The following OTUD7A variants were observed in gnomAD, a reference collection of about 807,000 sequenced individuals.
OTUD7A encodes OTU domain-containing protein 7A.
In OTUD7A, 12 loss-of-function variants were observed where a neutral mutation model predicts 65.7. The ratio of observed to expected loss-of-function variants is 0.18; its 90% CI spans 0.12 to 0.30. The LOEUF (loss-of-function observed/expected upper bound fraction) is 0.30. Among genes scored for constraint, OTUD7A ranks in the 10% least tolerant of loss-of-function variants. The probability of loss-of-function intolerance (pLI) is 1.00; values close to 1 mark genes in which losing one functional copy is unlikely to be tolerated. For missense variants in OTUD7A, 1,148 were observed against 1,304.8 expected, an observed-to-expected ratio of 0.88 and a Z score of 1.85; for synonymous variants, 641 against 586.3, an observed-to-expected ratio of 1.09 and a Z score of -1.35.
At chr15:31,642,535 A>G (rs960991089) in intron 3 of OTUD7A, among the ~76,000 whole-genome samples, 8 of 152,160 alleles carry the variant, frequency 5.3e-5, no homozygotes, top group African/African-American at 1.9e-4. Flanking sequence ...TTTGTGAGAA[A>G]GTTTTCAACT....
At chr15:31,842,162 A>C (rs1293320500) in intron 1 of OTUD7A, among the ~76,000 whole-genome samples, 2 of 152,272 alleles carry the variant, frequency 1.3e-5, no homozygotes, top group African/African-American at 4.8e-5. Context: ...GCATGGTCCC[A>C]CATACATAAA....
intron 5 of OTUD7A, chr15:31,558,501 GC>G (rs1888572839): frequency 5.7e-6 from 1 of 175,166 alleles, no homozygotes; most frequent in Non-Finnish European, 1.2e-5. Context: ...GTACCCCAAA[GC>G]GTTGCCGGGT....
At chr15:31,779,136 C>T (rs1479174465) in intron 1 of OTUD7A, among the ~76,000 whole-genome samples, 2 of 152,128 alleles carry the variant, frequency 1.3e-5, no homozygotes, top group African/African-American at 4.8e-5. Flanking sequence ...TCCAGAATTC[C>T]CCTCCAGAGT....
intron 1 of OTUD7A, among the ~76,000 whole-genome samples, chr15:31,848,990 G>A (rs1244847253): frequency 6.6e-6 from 1 of 152,198 alleles, no homozygotes; most frequent in Non-Finnish European, 1.5e-5. Flanking sequence ...AGCTTAGTTT[G>A]GCTGGATATG....
intron 1 of OTUD7A, among the ~76,000 whole-genome samples, chr15:31,664,259 T>C (rs139153821): frequency 3.2e-4 from 46 of 141,636 alleles, no homozygotes; most frequent in East Asian, 3.0e-3. Flanking sequence ...CTGTTTTCCA[T>C]AGTGGCTGCA....
chr15:31,727,508 A>G (rs1179182943), intron 1 of OTUD7A, among the ~76,000 whole-genome samples: 1 of 152,196 alleles, frequency 6.6e-6, no homozygotes, highest in African/African-American at 2.4e-5. Context: ...CCATGTTGAA[A>G]TGTTGAGCAT....
chr15:31,529,817 G>A (rs1011084368), intron 6 of OTUD7A, among the ~76,000 whole-genome samples: 1 of 152,300 alleles, frequency 6.6e-6, no homozygotes, highest in South Asian at 2.1e-4. Context: ...ATGTTTGTTG[G>A]GGATGCAAGT....
intron 1 of OTUD7A, among the ~76,000 whole-genome samples, chr15:31,741,477 C>T (rs974397740): frequency 6.6e-6 from 1 of 152,082 alleles, no homozygotes; most frequent in African/African-American, 2.4e-5. Context: ...TGGATATTCA[C>T]TTTATTGTTC....
chr15:31,594,410 C>T (rs1401532363), intron 3 of OTUD7A, among the ~76,000 whole-genome samples: 1 of 152,188 alleles, frequency 6.6e-6, no homozygotes, highest in Non-Finnish European at 1.5e-5. Context: ...TTTGTCACTT[C>T]TAAAGAAAGC....
chr15:31,640,835 C>T (rs1488631496), intron 3 of OTUD7A, among the ~76,000 whole-genome samples: 2 of 152,028 alleles, frequency 1.3e-5, no homozygotes, highest in Non-Finnish European at 2.9e-5. Flanking sequence ...CCCCTTTGTG[C>T]ATATGTGTGT....
intron 1 of OTUD7A, among the ~76,000 whole-genome samples, chr15:31,816,747 G>T (rs564003168): frequency 2.0e-5 from 3 of 152,152 alleles, no homozygotes; most frequent in African/African-American, 7.2e-5. Flanking sequence ...CTACTTAAAA[G>T]AATCCTAGGG....
intron 1 of OTUD7A, among the ~76,000 whole-genome samples, chr15:31,740,496 C>T (rs564795247): frequency 6.6e-6 from 1 of 152,126 alleles, no homozygotes; most frequent in South Asian, 2.1e-4. Context: ...GAGGCCACTG[C>T]CTTCCCAGAG....
intron 3 of OTUD7A, among the ~76,000 whole-genome samples, chr15:31,585,377 C>G (rs147771093): frequency 3.0e-4 from 45 of 152,334 alleles, no homozygotes; most frequent in African/African-American, 1.1e-3. Context: ...AGGTTAGCTG[C>G]GAGCAGAAAC....
intron 1 of OTUD7A, among the ~76,000 whole-genome samples, chr15:31,812,209 T>C (rs1896437362): frequency 1.3e-5 from 2 of 151,810 alleles, no homozygotes; most frequent in Admixed American, 6.6e-5. Context: ...CCCACTGCCA[T>C]ACTAACCAGA....
rs1372183290 is a variant in OTUD7A at position 31,774,318 on chromosome 15, G to A, written c.-100+96189C>T. Among the ~76,000 whole-genome samples the A allele has an allele frequency of 2.6e-5, 4 of 152,370 alleles. No homozygotes were observed. The East Asian group carries it at 5.8e-4, about 22-fold the overall frequency. ...GGGACAGCTCCATAACCAGCCCTGC[G>A]ATCACCCTGTGCCTTGCACCTAGGG... On this transcript the variant is annotated intron_variant, in intron 1 of 12. Coordinates refer to ENST00000307050, the MANE Select transcript of OTUD7A (RefSeq NM_001382637.1).
intron 1 of OTUD7A, among the ~76,000 whole-genome samples, chr15:31,685,441 C>CAA (rs1054257302): frequency 1.3e-5 from 2 of 150,578 alleles, no homozygotes; most frequent in African/African-American, 4.9e-5. Flanking sequence ...GTCAGGAGAT[C>CAA]AAGACTATCC....
chr15:31,861,879 T>C lies in OTUD7A; in HGVS notation c.-100+8628A>G, dbSNP rs546645610. 2.3e-3 allele frequency among the ~76,000 whole-genome samples: 353 copies of C among 152,302 alleles called. 3 individuals carry two copies. The highest frequency in any genetic ancestry group is 3.5e-3 in the Non-Finnish European group (237 of 68,024). On this transcript the variant is annotated intron_variant, in intron 1 of 12. Transcript: ENST00000307050. Reference sequence around the variant, plus strand: ...ATCCTTCCTTGGGGGGACCATGTCATCCCACAGATGGCACAGACACCCCTG... The same window carrying C: ...ATCCTTCCTTGGGGGGACCATGTCACCCCACAGATGGCACAGACACCCCTG...
At chr15:31,828,225 G>T (rs971690480) in intron 1 of OTUD7A, among the ~76,000 whole-genome samples, 4 of 151,894 alleles carry the variant, frequency 2.6e-5, no homozygotes, top group African/African-American at 9.7e-5. Context: ...TTATTTTTTT[G>T]AACTCTTGAG....
chr15:31,666,417 T>C (rs149229734), intron 1 of OTUD7A, among the ~76,000 whole-genome samples: 2,876 of 152,288 alleles, frequency 0.019, 93 homozygotes, highest in African/African-American at 0.066. Context: ...AAGGTGTTCA[T>C]AGTAGCCTTG....
Sources: gnomAD v4.1 joint callset for allele counts (sites outside exome capture counted in the v4.1 genomes callset) on GRCh38, gnomAD v4.1.1 for gene constraint, MANE v1.5 for transcripts, NCBI Gene and HGNC (gene_info 2026-07-23, HGNC 2026-07-21) for gene names.